CAPZA1: variants seen among roughly 807,000 people sequenced by gnomAD.
CAPZA1 encodes the protein capping actin protein of muscle Z-line subunit alpha 1.
In CAPZA1, 10 loss-of-function variants were observed where a neutral mutation model predicts 40.8. That is an observed-to-expected ratio of 0.25 (90% CI 0.15 to 0.42). The LOEUF (loss-of-function observed/expected upper bound fraction) is 0.42. CAPZA1 is among the 10% of genes least tolerant of loss of function. The pLI is 1.00. For missense variants in CAPZA1, 277 were observed against 353.8 expected (o/e 0.78, Z 1.74); for synonymous variants, 98 against 115.0 (o/e 0.85, Z 0.95).
intron 1 of CAPZA1, among the ~76,000 whole-genome samples, chr1:112,625,435 A>G (rs2101136347): frequency 6.6e-6 from 1 of 152,328 alleles, no homozygotes; most frequent in Admixed American, 6.5e-5. Flanking sequence ...CCAAGAGGGA[A>G]AAAGTTTCCA....
At chr1:112,655,960 T>C (rs960444597) in intron 5 of CAPZA1, among the ~76,000 whole-genome samples, 6 of 152,178 alleles carry the variant, frequency 3.9e-5, no homozygotes, top group Admixed American at 3.3e-4. Flanking sequence ...AAATATTGAT[T>C]AGAATATTTT....
At chr1:112,645,474 T>G (rs1443512585) in intron 1 of CAPZA1, among the ~76,000 whole-genome samples, 2 of 151,800 alleles carry the variant, frequency 1.3e-5, no homozygotes, top group Admixed American at 1.3e-4. Context: ...AAAATTAAAA[T>G]TTTTTAAAAA....
At chr1:112,655,721 C>G (rs936556163) in intron 5 of CAPZA1, among the ~76,000 whole-genome samples, 3 of 151,960 alleles carry the variant, frequency 2.0e-5, no homozygotes, top group Non-Finnish European at 2.9e-5. Context: ...CACCACCACA[C>G]CTGGCTAATT....
chr1:112,670,353 TC>T lies in CAPZA1; in HGVS notation c.*222del. On this transcript the variant is annotated 3_prime_UTR_variant, in exon 10 of 10. Transcript: ENST00000263168. ...TGTTACTGCTATATCTACGTGTAAA[TC>T]TTTTTTTCTTTTTTTTTTTTTTTTT... The T allele has an allele frequency of 3.0e-6, 1 of 334,064 alleles. No homozygotes were observed. Among genetic ancestry groups the T allele is most frequent in the Non-Finnish European group, 5.1e-6 (1 of 197,672 alleles). The allele number at this position is 334,064 out of a possible 1,614,324, so 20.7% of individuals were successfully genotyped here.
In CAPZA1 at chr1:112,661,978, G is replaced by A. The variant is rs570281411; in HGVS notation, c.585+2199G>A. ...AGGCTAGTCTATAGGCAAAAACATC[G>A]TTCTGAGAAGGCAACAATTTCTGAG... On this transcript the variant is annotated intron_variant, in intron 7 of 9. Transcript: ENST00000263168. 1.2e-4 allele frequency among the ~76,000 whole-genome samples: 19 copies of A among 152,310 alleles called. No homozygotes were observed. In the East Asian group the frequency reaches 1.9e-3, roughly 15 times the overall value.
chr1:112,666,914 A>T (rs539605670), intron 7 of CAPZA1, 160 bp from the exon 8 acceptor site: 1 of 568,970 alleles, frequency 1.8e-6, no homozygotes, highest in East Asian at 2.9e-5. Flanking sequence ...TGGATTAATT[A>T]ACCACCATTG....
At chr1:112,638,926 A>ATATAGATATAGATATAGATATAGC (rs1260417895) in intron 1 of CAPZA1, among the ~76,000 whole-genome samples, 1,643 of 148,480 alleles carry the variant, frequency 0.011, 65 homozygotes, top group African/African-American at 0.038. Context: ...ATAGATATAG[A>ATATAGATATAGATATAGATATAGC]TATAGATATA....
At chr1:112,662,248 A>G (rs1045634297) in intron 7 of CAPZA1, among the ~76,000 whole-genome samples, 3 of 152,132 alleles carry the variant, frequency 2.0e-5, no homozygotes, top group African/African-American at 7.2e-5. Context: ...ACCTAGTGCT[A>G]CAAGCACATA....
chr1:112,650,780 C>T (rs775242492), intron 3 of CAPZA1, among the ~76,000 whole-genome samples: 6 of 152,214 alleles, frequency 3.9e-5, no homozygotes, highest in Non-Finnish European at 8.8e-5. Flanking sequence ...AGCCTGTTAT[C>T]CTCTTTCCAA....
intron 1 of CAPZA1, among the ~76,000 whole-genome samples, chr1:112,641,332 G>T (rs1194184036): frequency 6.6e-6 from 1 of 151,866 alleles, no homozygotes; most frequent in African/African-American, 2.4e-5. Context: ...GCCAAAAAAA[G>T]AAAACAATTT....
At chr1:112,641,208 G>A (rs1671150280) in intron 1 of CAPZA1, among the ~76,000 whole-genome samples, 1 of 139,326 alleles carries the variant, frequency 7.2e-6, no homozygotes, top group African/African-American at 2.6e-5. Flanking sequence ...AAACACCCAA[G>A]AATGATCAAT....
Position 112,654,639 on chromosome 1 carries a change from G to A in CAPZA1, c.394G>A (p.Val132Met). ...CTGTGACAGTGCTTTAAGAGCCTATGTGAAAGACCATTATTCCAACGGCTT... is the reference window on the plus strand; with the variant it reads ...CTGTGACAGTGCTTTAAGAGCCTATATGAAAGACCATTATTCCAACGGCTT... ...ESCDSALRAYVKDHYSNGFCT... is the reference protein window; with the variant it reads ...ESCDSALRAYMKDHYSNGFCT... Residue 132 changes from valine (V) to methionine (M), a missense_variant, in exon 5 of 10, where the codon GTG (valine) becomes ATG (methionine). Physicochemically the swap from Val to Met is conservative, Grantham distance 21. Coordinates refer to ENST00000263168, the MANE Select transcript of CAPZA1 (RefSeq NM_006135.3). 1 of 1,613,012 alleles carries A rather than the reference G, an allele frequency of 6.2e-7. No homozygotes were observed. Among genetic ancestry groups the A allele is most frequent in the Admixed American group, 1.7e-5 (1 of 59,798 alleles).
intron 1 of CAPZA1, among the ~76,000 whole-genome samples, chr1:112,635,901 C>T (rs765269065): frequency 3.3e-5 from 5 of 152,088 alleles, no homozygotes; most frequent in Non-Finnish European, 7.4e-5. Flanking sequence ...TGGTGGCAGG[C>T]GCCTGTAGTC....
rs189890825 is a variant in CAPZA1, at chr1:112,660,445, T to C, written c.585+666T>C. Among the ~76,000 whole-genome samples the C allele has an allele frequency of 4.1e-3, 630 of 152,116 alleles. 3 individuals are homozygous for C. Among genetic ancestry groups the C allele is most frequent in the African/African-American group, 0.015 (608 of 41,492 alleles). On this transcript the variant is annotated intron_variant, in intron 7 of 9. Coordinates refer to ENST00000263168, the MANE Select transcript of CAPZA1 (RefSeq NM_006135.3). ...ACAGGCATGCGCCATCACGCCTAGC[T>C]AATTTTCTATTTTTAGTACAGGCGG...
At chr1:112,647,020 G>A (rs1427999311) in intron 1 of CAPZA1, among the ~76,000 whole-genome samples, 190 bp from the exon 2 acceptor site, 2 of 152,134 alleles carry the variant, frequency 1.3e-5, no homozygotes, top group African/African-American at 2.4e-5. Flanking sequence ...AAATCAGAAT[G>A]TACCTATATT....
intron 1 of CAPZA1, among the ~76,000 whole-genome samples, chr1:112,624,248 AC>A (rs1391525497): frequency 3.9e-5 from 6 of 152,074 alleles, no homozygotes; most frequent in Non-Finnish European, 5.9e-5. Flanking sequence ...TTTTCACTAT[AC>A]TTTTCTTTTC....
chr1:112,648,091 A>G lies in CAPZA1; in HGVS notation c.103+818A>G, dbSNP rs1372908890. ...GAGGAACTGTATGATATTCCTTTGTACCTGGCCCAGATGGTAGAACAGTCA... is the reference window on the plus strand; with the variant it reads ...GAGGAACTGTATGATATTCCTTTGTGCCTGGCCCAGATGGTAGAACAGTCA... On this transcript the variant is annotated intron_variant, in intron 2 of 9. Coordinates refer to ENST00000263168, the MANE Select transcript of CAPZA1 (RefSeq NM_006135.3). 2.6e-5 allele frequency among the ~76,000 whole-genome samples: 4 copies of G among 152,186 alleles called. No homozygotes were observed. In the East Asian group the frequency reaches 7.7e-4, roughly 29 times the overall value.
At chr1:112,669,712 A>G (rs748681762) in intron 9 of CAPZA1, 107 bp downstream of exon 9, 25 of 874,062 alleles carry the variant, frequency 2.9e-5, no homozygotes, top group Non-Finnish European at 4.4e-5. Context: ...CATGCTCTTC[A>G]GTTTTACTAA....
chr1:112,655,990 AATATG>A (rs1199254685), intron 5 of CAPZA1, among the ~76,000 whole-genome samples: 3 of 152,240 alleles, frequency 2.0e-5, no homozygotes, highest in African/African-American at 7.2e-5. Context: ...AATTGACAAA[AATATG>A]ATATGTACAA....
Sources: allele counts gnomAD v4.1 joint callset (sites outside exome capture counted in the v4.1 genomes callset), GRCh38; gene constraint gnomAD v4.1.1; transcripts MANE v1.5; gene names NCBI Gene and HGNC (gene_info 2026-07-23, HGNC 2026-07-21).